Variants in EDA observed in about 807,000 individuals in gnomAD.
EDA encodes ectodysplasin A, also known as ectodysplasin-A.
EDA carries 2 observed loss-of-function variants against 23.6 expected under a neutral mutation model. That is an observed-to-expected ratio of 0.08 (90% CI 0.03 to 0.27). The LOEUF is 0.27. Among genes scored for constraint, EDA ranks in the 10% least tolerant of loss-of-function variants. The probability of loss-of-function intolerance (pLI) is 1.00; values close to 1 mark genes in which losing one functional copy is unlikely to be tolerated. For synonymous variants in EDA, 131 were observed against 132.0 expected, an observed-to-expected ratio of 0.99 and a Z score of 0.05; for missense variants, 229 against 324.2, an observed-to-expected ratio of 0.71 and a Z score of 2.26.
At chrX:69,662,713 G>A (rs1476173961) in intron 1 of EDA, among the ~76,000 whole-genome samples, 1 of 112,246 alleles carries the variant, frequency 8.9e-6, no homozygotes, top group South Asian at 3.7e-4. Context: ...ATATGGGAAA[G>A]TTTGGAACTT....
At chrX:69,925,532 G>A (rs2018502998) in intron 1 of EDA, among the ~76,000 whole-genome samples, 1 of 111,474 alleles carries the variant, frequency 9.0e-6, no homozygotes, top group African/African-American at 3.3e-5. Context: ...GTTTTTTGAT[G>A]TGCTGCTGGA....
At chrX:70,010,043 C>T (rs994200174) in intron 2 of EDA, among the ~76,000 whole-genome samples, 2 of 111,757 alleles carry the variant, frequency 1.8e-5, no homozygotes, top group Admixed American at 1.9e-4. Context: ...TATGGTCTGC[C>T]TTGTTCAGTG....
intron 1 of EDA, among the ~76,000 whole-genome samples, chrX:69,916,026 G>A (rs1488022537): frequency 8.9e-6 from 1 of 111,827 alleles, no homozygotes; most frequent in Non-Finnish European, 1.9e-5. Context: ...AGTTAATTCT[G>A]CAGTTTCAGT....
chrX:69,916,258 A>G (rs5936520), intron 1 of EDA, among the ~76,000 whole-genome samples: 22,989 of 110,754 alleles, frequency 0.21, 1,832 homozygotes, highest in African/African-American at 0.25. Flanking sequence ...ATAAATAAGC[A>G]ACTTAAAGCA....
At chrX:69,724,524 G>C (rs1450029411) in intron 1 of EDA, among the ~76,000 whole-genome samples, 1 of 111,707 alleles carries the variant, frequency 9.0e-6, no homozygotes, top group Non-Finnish European at 1.9e-5. Flanking sequence ...CTGTAAGCTT[G>C]AGAGTGCTAG....
At position 70,035,421 on chromosome X, in the gene EDA, C is replaced by T. The variant is rs2147519044; in HGVS notation, c.988C>T (p.Leu330=). The T allele has an allele frequency of 7.4e-6, 9 of 1,210,362 alleles. No homozygotes were observed. The highest frequency in any genetic ancestry group is 8.9e-6 in the Non-Finnish European group (8 of 894,943). The part of the protein sequence containing the change: ...YEVVVDEKPF[L]QCTRSIETGK... ...GGTGGTGGTGGATGAGAAGCCCTTC[C>T]TGCAGTGCACACGCAGCATCGAGAC... is the stretch of plus-strand genomic sequence containing the variant. Residue 330 remains leucine, a synonymous_variant, in exon 8 of 8, where the codon CTG becomes TTG. Coordinates refer to ENST00000374552, the MANE Select transcript of EDA (RefSeq NM_001399.5).
intron 1 of EDA, among the ~76,000 whole-genome samples, chrX:69,902,648 A>G (rs2018115122): frequency 8.9e-6 from 1 of 112,389 alleles, no homozygotes; most frequent in Non-Finnish European, 1.9e-5. Context: ...CAGTTTAACA[A>G]CTGTTGATGT....
At chrX:69,641,454 C>CCAAGT (rs1314639453) in intron 1 of EDA, among the ~76,000 whole-genome samples, 3 of 110,653 alleles carry the variant, frequency 2.7e-5, no homozygotes, top group Admixed American at 9.6e-5. Context: ...TGGGAAACAC[C>CCAAGT]CAAGTCAGTA....
Position 69,929,706 on chromosome X carries a change from T to TGTGTGTGTGTG in EDA, c.397-27321_397-27320insGTGTGTGTGTG, listed in dbSNP as rs373930590. 1.3e-3 allele frequency among the ~76,000 whole-genome samples: 109 copies of TGTGTGTGTGTG among 84,336 alleles called. 1 individual carries two copies. The East Asian group carries it at 0.013, about 10-fold the overall frequency. The allele number at this position is 84,336 out of a possible 115,157, so 73.2% of individuals were successfully genotyped here. ...GAAAACACTTCACTTCATTCTATTT[T>TGTGTGTGTGTG]TGTGTGTGTGTGTGTGTGTGTGTGT... is the stretch of plus-strand genomic sequence containing the variant. On this transcript the variant is annotated intron_variant, in intron 1 of 7. Transcript: ENST00000374552.
intron 1 of EDA, among the ~76,000 whole-genome samples, chrX:69,833,213 C>T (rs1482768904): frequency 8.9e-6 from 1 of 111,819 alleles, no homozygotes; most frequent in Non-Finnish European, 1.9e-5. Context: ...AGATATGTTC[C>T]ATCAATACCT....
intron 1 of EDA, among the ~76,000 whole-genome samples, chrX:69,940,944 A>G (rs886718968): frequency 6.3e-5 from 7 of 111,758 alleles, no homozygotes; most frequent in Admixed American, 1.9e-4. Context: ...CTTTCACTGT[A>G]TCCCATAGGT....
At chrX:70,029,629 C>T in intron 5 of EDA, 91 bp downstream of exon 5, 1 of 973,362 alleles carries the variant, frequency 1.0e-6, no homozygotes, top group Non-Finnish European at 1.5e-6. Flanking sequence ...TTTCCTGAGG[C>T]TTTATTTCAT....
intron 1 of EDA, among the ~76,000 whole-genome samples, chrX:69,835,933 C>G (rs779757724): frequency 8.9e-6 from 1 of 111,814 alleles, no homozygotes; most frequent in African/African-American, 3.3e-5. Context: ...TGATGCTATT[C>G]CTTTCTGTTT....
At chrX:69,758,364 A>G (rs1386110320) in intron 1 of EDA, among the ~76,000 whole-genome samples, 5 of 112,067 alleles carry the variant, frequency 4.5e-5, no homozygotes, top group Non-Finnish European at 9.4e-5. Context: ...GGACTAGATG[A>G]TCTGGTAGAA....
chrX:69,746,061 T>A (rs2013610363), intron 1 of EDA, among the ~76,000 whole-genome samples: 1 of 111,246 alleles, frequency 9.0e-6, no homozygotes, highest in Non-Finnish European at 1.9e-5. Flanking sequence ...TCTCTTCCCC[T>A]CCTCTCCCTC....
chrX:70,019,404 G>A (rs1461400400), intron 2 of EDA, among the ~76,000 whole-genome samples: 1 of 111,876 alleles, frequency 8.9e-6, no homozygotes, highest in Non-Finnish European at 1.9e-5. Flanking sequence ...GTATGTTCAT[G>A]GCAGCACTCT....
intron 1 of EDA, among the ~76,000 whole-genome samples, chrX:69,718,373 C>G (rs1178332680): frequency 9.1e-6 from 1 of 110,438 alleles, no homozygotes; most frequent in Non-Finnish European, 1.9e-5. Context: ...TTGCCTTGTT[C>G]CTATCTTAAG....
At chrX:69,780,788 A>G (rs998073287) in intron 1 of EDA, among the ~76,000 whole-genome samples, 1 of 110,799 alleles carries the variant, frequency 9.0e-6, no homozygotes, top group African/African-American at 3.3e-5. Context: ...CCAAGACTGT[A>G]AGTTTCCTGA....
intron 1 of EDA, among the ~76,000 whole-genome samples, chrX:69,760,330 A>G (rs1249685559): frequency 9.0e-6 from 1 of 111,058 alleles, no homozygotes; most frequent in Non-Finnish European, 1.9e-5. Flanking sequence ...TTCCCATTTC[A>G]GAGATGTTAT....
Sources: allele counts gnomAD v4.1 joint callset (sites outside exome capture counted in the v4.1 genomes callset), GRCh38; gene constraint gnomAD v4.1.1; transcripts MANE v1.5; gene names NCBI Gene and HGNC (gene_info 2026-07-23, HGNC 2026-07-21).